Variants in CHRNB4 observed in about 807,000 individuals in gnomAD.
The protein encoded by CHRNB4 is cholinergic receptor nicotinic beta 4 subunit, also known as neuronal acetylcholine receptor subunit beta-4.
CHRNB4 carries 23 observed loss-of-function variants against 40.4 expected under a neutral mutation model. That is an observed-to-expected ratio of 0.57 (90% CI 0.41 to 0.81). The LOEUF (loss-of-function observed/expected upper bound fraction) is 0.81. CHRNB4 is among the 30% of genes least tolerant of loss of function. The probability of loss-of-function intolerance (pLI) is 0.00; values close to 1 mark genes in which losing one functional copy is unlikely to be tolerated. For synonymous variants in CHRNB4, 285 were observed against 274.4 expected (o/e 1.04, Z -0.38); for missense variants, 568 against 670.6 (o/e 0.85, Z 1.69).
At chr15:78,641,859 C>CCT (rs2054080348), upstream of CHRNB4, among the ~76,000 whole-genome samples, 2 of 152,324 alleles carry the variant, frequency 1.3e-5, no homozygotes, top group Admixed American at 6.5e-5. Flanking sequence ...CAAGCACATC[C>CCT]CTCTACTAGC....
At chr15:78,640,990 G>C in intron 1 of CHRNB4, 89 bp downstream of exon 1, 1 of 1,408,086 alleles carries the variant, frequency 7.1e-7, no homozygotes, top group Non-Finnish European at 9.7e-7. Flanking sequence ...CGGGCGCAGG[G>C]CACCCTCCCT....
At chr15:78,635,973 T>C (rs990601006) in intron 1 of CHRNB4, among the ~76,000 whole-genome samples, 1 of 151,662 alleles carries the variant, frequency 6.6e-6, no homozygotes, top group African/African-American at 2.4e-5. Context: ...GGTGGTGTGA[T>C]CTCGGCTCAC....
At chr15:78,637,541 G>T (rs551404238) in intron 1 of CHRNB4, among the ~76,000 whole-genome samples, 1 of 152,272 alleles carries the variant, frequency 6.6e-6, no homozygotes, top group Non-Finnish European at 1.5e-5. Context: ...GGCTCGCCAG[G>T]CTCAGGAGTC....
rs371853459 is a variant in CHRNB4 at position 78,641,176 on chromosome 15, G to A, written c.-43C>T. The A allele has an allele frequency of 3.3e-6, 5 of 1,515,604 alleles. No homozygotes were observed. In the African/African-American group the frequency reaches 5.7e-5, roughly 17 times the overall value. The allele number at this position is 1,515,604 out of a possible 1,614,324, so 93.9% of individuals were successfully genotyped here. On this transcript the variant is annotated 5_prime_UTR_variant, in exon 1 of 6. Coordinates refer to ENST00000261751, the MANE Select transcript of CHRNB4 (RefSeq NM_000750.5). ...GGCAGCCGCCGCGAGCTCCGCTGTG[G>A]GGTCACAGGGCACCCGTGAGCCGCG... is the stretch of plus-strand genomic sequence containing the variant.
upstream of CHRNB4, chr15:78,661,436 G>T: frequency 1.9e-6 from 1 of 515,226 alleles, no homozygotes. Flanking sequence ...AGAGTGACCG[G>T]TTGGTGCGAC....
intron 6 of CHRNB4, among the ~76,000 whole-genome samples, chr15:78,652,386 TTGG>T (rs2054180218): frequency 1.3e-5 from 2 of 152,334 alleles, no homozygotes; most frequent in Middle Eastern, 6.8e-3. Context: ...GCCAGTAGCA[TTGG>T]TGGCTCTGCC....
intron 7 of CHRNB4, among the ~76,000 whole-genome samples, chr15:78,647,353 T>C (rs1321237689): frequency 6.6e-6 from 1 of 151,380 alleles, no homozygotes; most frequent in Non-Finnish European, 1.5e-5. Flanking sequence ...TATATAAACA[T>C]TAATATTTTA....
intron 4 of CHRNB4, 42 bp downstream of exon 4, chr15:78,631,034 T>G (rs370090528): frequency 2.8e-5 from 43 of 1,516,444 alleles, no homozygotes; most frequent in Non-Finnish European, 3.8e-5. Context: ...CCTGCTGCCC[T>G]GGCCTGGCTG....
rs141403826 is a variant in CHRNB4 at position 78,629,492 on chromosome 15, C to G, written c.813G>C (p.Leu271=). Residue 271 remains leucine (L), a synonymous_variant, in exon 5 of 6, where the codon CTG becomes CTC. Coordinates refer to ENST00000261751, the MANE Select transcript of CHRNB4 (RefSeq NM_000750.5). The surrounding 1 kb of genome is among the most constrained non-coding windows in gnomAD (Gnocchi z 6.8). The part of the protein sequence containing the change: ...GEKMTLCISV[L]LALTFFLLLI... ...GCAGCAGGAAGAATGTCAGTGCCAG[C>G]AGCACTGAGATGCACAGTGTCATCT... 2.7e-5 allele frequency: 43 copies of G among 1,614,110 alleles called. No individual in the cohort carries two copies. In the African/African-American group the frequency reaches 5.3e-4, roughly 20 times the overall value.
chr15:78,630,073 C>T, intron 4 of CHRNB4, 128 bp from the exon 5 acceptor site: 1 of 1,073,024 alleles, frequency 9.3e-7, no homozygotes, highest in South Asian at 2.4e-5. Context: ...CCCAGGCCCT[C>T]ACTGAAAGGA....
chr15:78,642,209 GCAA>G (rs1046692735), upstream of CHRNB4, among the ~76,000 whole-genome samples: 32 of 152,056 alleles, frequency 2.1e-4, no homozygotes, highest in Admixed American at 1.9e-3. Flanking sequence ...GTCTTTAAAA[GCAA>G]CAACAACAAC....
upstream of CHRNB4, chr15:78,661,233 C>T: frequency 1.6e-6 from 1 of 608,552 alleles, no homozygotes; most frequent in African/African-American, 1.8e-5. Flanking sequence ...CCAGGGCCAG[C>T]TGGTCAAAAG....
chr15:78,634,582 C>T (rs542876531), intron 2 of CHRNB4: 9 of 377,258 alleles, frequency 2.4e-5, no homozygotes, highest in African/African-American at 4.2e-5. Flanking sequence ...GTGGGCCAAC[C>T]GTGCTAGAGA....
chr15:78,628,411 T>C (rs550094142), intron 5 of CHRNB4, among the ~76,000 whole-genome samples: 1 of 152,256 alleles, frequency 6.6e-6, no homozygotes, highest in South Asian at 2.1e-4. Context: ...ATTTCCTCTC[T>C]CCTCTGCCTC....
intron 7 of CHRNB4, among the ~76,000 whole-genome samples, chr15:78,647,031 T>C (rs1302833435): frequency 1.3e-5 from 2 of 152,130 alleles, no homozygotes; most frequent in African/African-American, 4.8e-5. Flanking sequence ...AGTCCTGTAC[T>C]TAGGAGGCTG....
chr15:78,650,615 A>G (rs1423704734), intron 6 of CHRNB4, among the ~76,000 whole-genome samples: 1 of 152,170 alleles, frequency 6.6e-6, no homozygotes, highest in African/African-American at 2.4e-5. Context: ...AGGGGCATTT[A>G]TGTGTGATTT....
At chr15:78,654,060 T>C (rs2054193516) in intron 5 of CHRNB4, among the ~76,000 whole-genome samples, 1 of 152,152 alleles carries the variant, frequency 6.6e-6, no homozygotes, top group South Asian at 2.1e-4. Flanking sequence ...TCTCTTCCAA[T>C]TCCCCCTTTC....
chr15:78,637,689 G>A (rs2053982500), intron 1 of CHRNB4, among the ~76,000 whole-genome samples: 1 of 152,170 alleles, frequency 6.6e-6, no homozygotes, highest in Non-Finnish European at 1.5e-5. Context: ...TGCTGGGCTG[G>A]ACTCCTGGTT....
chr15:78,655,478 A>C (rs1260019664), intron 5 of CHRNB4: 1 of 149,136 alleles, frequency 6.7e-6, no homozygotes, highest in Non-Finnish European at 1.5e-5. Flanking sequence ...ATATCTATAT[A>C]TATCTCACAT....
Sources: allele counts gnomAD v4.1 joint callset (sites outside exome capture counted in the v4.1 genomes callset), GRCh38; gene constraint gnomAD v4.1.1; non-coding constraint Gnocchi (gnomAD v3.1); transcripts MANE v1.5; gene names NCBI Gene and HGNC (gene_info 2026-07-23, HGNC 2026-07-21).